Variants in RBM20 observed in about 807,000 individuals in gnomAD.
RBM20 encodes RNA binding motif protein 20, also known as RNA-binding protein 20.
In RBM20, 51 loss-of-function variants were observed where a neutral mutation model predicts 110.1. That is an observed-to-expected ratio of 0.46 (90% CI 0.37 to 0.59). RBM20 has a LOEUF of 0.59. Ranked by LOEUF, RBM20 falls within the 20% of genes least tolerant of loss-of-function variation. RBM20 has a pLI of 0.00. For synonymous variants in RBM20, 589 were observed against 618.2 expected, an observed-to-expected ratio of 0.95 and a Z score of 0.70; for missense variants, 1,512 against 1,574.9, an observed-to-expected ratio of 0.96 and a Z score of 0.68.
At chr10:110,685,080 A>G (rs777481300) in intron 1 of RBM20, among the ~76,000 whole-genome samples, 11 of 152,188 alleles carry the variant, frequency 7.2e-5, no homozygotes, top group Non-Finnish European at 1.5e-4. Flanking sequence ...GAGGCGAATG[A>G]CCCAGCTGTT....
rs41292596 is a variant in RBM20, at chr10:110,822,509, G to A, written c.3316+574G>A. ...ACGTTTTGTGCCTATGCCCGGCACT[G>A]TGACATCATGAAAGAGAGAGTTTAA... On this transcript the variant is annotated intron_variant, in intron 11 of 13. Transcript: ENST00000369519. 639 of 456,258 alleles carry A rather than the reference G, an allele frequency of 1.4e-3. 7 individuals are homozygous for A. The highest frequency in any genetic ancestry group is 5.5e-3 in the South Asian group (355 of 64,492). 28.3% of individuals were successfully genotyped at this position (456,258 alleles called of 1,614,324 possible). A position where few individuals can be genotyped will look rare whatever the true frequency, so the allele number is the denominator to read the frequency against.
chr10:110,801,866 T>G (rs1444019770), intron 7 of RBM20, among the ~76,000 whole-genome samples: 1 of 152,114 alleles, frequency 6.6e-6, no homozygotes, highest in Non-Finnish European at 1.5e-5. Context: ...GTTTTATATT[T>G]TATTCCCCTA....
intron 1 of RBM20, among the ~76,000 whole-genome samples, chr10:110,760,425 CTTTTTTTTTT>C (rs541027608): frequency 5.2e-5 from 3 of 57,818 alleles, no homozygotes; most frequent in African/African-American, 6.4e-5. Context: ...ATTCCATCAT[CTTTTTTTTTT>C]TTTTTTTTTT....
chr10:110,822,893 T>G (rs560751592), intron 11 of RBM20, among the ~76,000 whole-genome samples: 27 of 152,190 alleles, frequency 1.8e-4, no homozygotes, highest in South Asian at 8.3e-4. Flanking sequence ...AGAGAAACCG[T>G]GAGGCCCAGG....
intron 6 of RBM20, among the ~76,000 whole-genome samples, chr10:110,798,393 C>A (rs1006890432): frequency 1.3e-5 from 2 of 152,224 alleles, no homozygotes; most frequent in African/African-American, 4.8e-5. Context: ...GGTCATTAAG[C>A]TATCTCTCTC....
At chr10:110,774,519 C>T (rs1041689674) in intron 1 of RBM20, among the ~76,000 whole-genome samples, 1 of 151,520 alleles carries the variant, frequency 6.6e-6, no homozygotes, top group African/African-American at 2.4e-5. Context: ...TGTTGATAGG[C>T]GTGTATCCGA....
At chr10:110,716,929 A>C (rs987621955) in intron 1 of RBM20, among the ~76,000 whole-genome samples, 3 of 152,158 alleles carry the variant, frequency 2.0e-5, no homozygotes, top group Non-Finnish European at 4.4e-5. Context: ...AAAAGAAAAA[A>C]AAAAAAGATT....
At chr10:110,645,317 C>A (rs1157046143) in intron 1 of RBM20, among the ~76,000 whole-genome samples, 3 of 152,042 alleles carry the variant, frequency 2.0e-5, no homozygotes, top group Admixed American at 2.0e-4. Context: ...TCTTTCAGCC[C>A]GTTTGAGGAA....
chr10:110,781,295 AT>A lies in RBM20; in HGVS notation c.687del (p.Tyr229Ter). Reference sequence around the variant, plus strand: ...CCTGCTCCAGCTACAGCAGGATTCTATGAGTATGGCAAAGCCAGCTCTGGCC... The same window carrying A: ...CCTGCTCCAGCTACAGCAGGATTCTAGAGTATGGCAAAGCCAGCTCTGGCC... ...TGPAPATAGFYEYGKASSGQT... is the reference protein window; with the variant it reads ...TGPAPATAGFXEYGKASSGQT... On this transcript the variant is annotated frameshift_variant, in exon 2 of 14. Coordinates refer to ENST00000369519, the MANE Select transcript of RBM20 (RefSeq NM_001134363.3). LOFTEE classifies it high-confidence loss of function. 1 of 1,551,670 alleles carries A rather than the reference AT, an allele frequency of 6.4e-7. No homozygotes were observed. The highest frequency in any genetic ancestry group is 8.7e-7 in the Non-Finnish European group (1 of 1,146,974).
At chr10:110,695,435 T>G (rs576732960) in intron 1 of RBM20, among the ~76,000 whole-genome samples, 1 of 152,266 alleles carries the variant, frequency 6.6e-6, no homozygotes, top group Non-Finnish European at 1.5e-5. Flanking sequence ...GAGCAGTGTG[T>G]TTGTCTGTCT....
intron 9 of RBM20, among the ~76,000 whole-genome samples, chr10:110,815,503 G>T (rs1003695287): frequency 3.3e-5 from 5 of 152,326 alleles, no homozygotes; most frequent in African/African-American, 1.2e-4. Flanking sequence ...AAGTGTATGT[G>T]CTTGGAGGTG....
chr10:110,657,099 C>G (rs11195257), intron 1 of RBM20, among the ~76,000 whole-genome samples: 27,153 of 151,808 alleles, frequency 0.18, 3,391 homozygotes, highest in African/African-American at 0.34. Context: ...TCACTGCAAC[C>G]TCTTCCTCCC....
rs1862925720 is a variant in RBM20 at position 110,711,359 on chromosome 10, A to ATT, written c.191+66714_191+66715insTT. ...AAAAAAAAAAAAAAAAAAAAAAAAGAGTCCAGGAGAGGGGAGGTGTGGGAA... is the reference window on the plus strand; with the variant it reads ...AAAAAAAAAAAAAAAAAAAAAAAAGATTGTCCAGGAGAGGGGAGGTGTGGGAA... On this transcript the variant is annotated intron_variant, in intron 1 of 13. Transcript: ENST00000369519. Among the ~76,000 whole-genome samples the ATT allele has an allele frequency of 2.2e-5, 3 of 137,666 alleles. No homozygotes were observed. In the East Asian group the frequency reaches 7.0e-4, roughly 32 times the overall value. The allele number at this position is 137,666 out of a possible 152,430, so 90.3% of individuals were successfully genotyped here.
chr10:110,809,269 AG>A lies in RBM20; in HGVS notation c.1801-1112del, dbSNP rs369981930. ...TTTGTAAATTACATAGAAAAAATCAAGGAAAAAAAGTCGATTAAATTTAATA... is the reference window on the plus strand; with the variant it reads ...TTTGTAAATTACATAGAAAAAATCAAGAAAAAAAGTCGATTAAATTTAATA... On this transcript the variant is annotated intron_variant, in intron 7 of 13. Transcript: ENST00000369519. Among the ~76,000 whole-genome samples the A allele has an allele frequency of 2.5e-3, 359 of 144,036 alleles. 2 individuals carry two copies. The highest frequency in any genetic ancestry group is 8.5e-3 in the African/African-American group (340 of 40,052). The allele number at this position is 144,036 out of a possible 152,430, so 94.5% of individuals were successfully genotyped here. A position where few individuals can be genotyped will look rare whatever the true frequency, so the allele number is the denominator to read the frequency against.
intron 1 of RBM20, among the ~76,000 whole-genome samples, chr10:110,767,880 G>A (rs1305277572): frequency 2.0e-5 from 3 of 152,250 alleles, no homozygotes; most frequent in Non-Finnish European, 2.9e-5. Flanking sequence ...TCACGTCCCA[G>A]ACGATGGGTG....
chr10:110,745,625 C>T (rs1329908614), intron 1 of RBM20, among the ~76,000 whole-genome samples: 3 of 151,738 alleles, frequency 2.0e-5, no homozygotes, highest in Non-Finnish European at 4.4e-5. Context: ...CATTTGCATA[C>T]GTATCTTCTC....
rs1392060874 is a variant in RBM20 at position 110,658,274 on chromosome 10, C to A, written c.191+13629C>A. Among the ~76,000 whole-genome samples, 4 of 152,220 alleles carry A rather than the reference C, an allele frequency of 2.6e-5. No individual in the cohort carries two copies. The South Asian group carries it at 8.3e-4, about 32-fold the overall frequency. On this transcript the variant is annotated intron_variant, in intron 1 of 13. Coordinates refer to ENST00000369519, the MANE Select transcript of RBM20 (RefSeq NM_001134363.3). ...TTCGGTGGAGCAGGGGAAACTTACA[C>A]ACCTGTGAGGGTAATTTGACGTCTC...
chr10:110,705,368 C>T (rs962196077), intron 1 of RBM20, among the ~76,000 whole-genome samples: 8 of 152,144 alleles, frequency 5.3e-5, no homozygotes, highest in Non-Finnish European at 1.0e-4. Flanking sequence ...TACTCAGATC[C>T]AATAAAATAT....
intron 1 of RBM20, among the ~76,000 whole-genome samples, chr10:110,734,939 TCTC>T (rs1360560667): frequency 2.0e-5 from 3 of 152,144 alleles, no homozygotes; most frequent in Admixed American, 6.5e-5. Flanking sequence ...CGTGATGAAA[TCTC>T]CTACTGTCCC....
Sources: gnomAD v4.1 joint callset for allele counts (sites outside exome capture counted in the v4.1 genomes callset) on GRCh38, gnomAD v4.1.1 for gene constraint, MANE v1.5 for transcripts, NCBI Gene and HGNC (gene_info 2026-07-23, HGNC 2026-07-21) for gene names.